TBC1D9: variants seen among roughly 807,000 people sequenced by gnomAD.
TBC1D9 encodes the protein TBC1 domain family member 9.
In TBC1D9, 63 loss-of-function variants were observed where a neutral mutation model predicts 132.0. The observed-to-expected ratio is 0.48, with a 90% CI of 0.39 to 0.59. TBC1D9 has a LOEUF of 0.59. Ranked by LOEUF, TBC1D9 falls within the 20% of genes least tolerant of loss-of-function variation. The pLI is 0.00. For synonymous variants in TBC1D9, 610 were observed against 609.9 expected, an observed-to-expected ratio of 1.00 and a Z score of 0.00; for missense variants, 1,261 against 1,592.7, an observed-to-expected ratio of 0.79 and a Z score of 3.54.
chr4:140,730,514 G>A (rs1173728620), intron 1 of TBC1D9, among the ~76,000 whole-genome samples: 1 of 152,148 alleles, frequency 6.6e-6, no homozygotes, highest in African/African-American at 2.4e-5. Flanking sequence ...ATCACCTGAG[G>A]TCAGGAGTTC....
rs113441126 is a variant in TBC1D9 at position 140,686,256 on chromosome 4, G to C, written c.360+88C>G. The C allele has an allele frequency of 3.3e-3, 2,771 of 845,476 alleles. 54 individuals carry two copies. In the African/African-American group the frequency reaches 0.042, roughly 13 times the overall value. 52.4% of individuals were successfully genotyped at this position (845,476 alleles called of 1,614,324 possible). On this transcript the variant is annotated intron_variant, in intron 3 of 20. Transcript: ENST00000442267. ...GGTGAATTTGGGCAAAGGGTATACA[G>C]GTATGTTTTACTCAATTCTTATTTT...
intron 1 of TBC1D9, among the ~76,000 whole-genome samples, chr4:140,709,248 T>TCTCACACACACA (rs1382500714): frequency 3.2e-4 from 33 of 104,190 alleles, no homozygotes; most frequent in African/African-American, 1.1e-3. Flanking sequence ...TCTCTCTCTC[T>TCTCACACACACA]CACACACACA....
chr4:140,645,701 C>G (rs746761118), intron 13 of TBC1D9, among the ~76,000 whole-genome samples: 1 of 152,264 alleles, frequency 6.6e-6, no homozygotes, highest in African/African-American at 2.4e-5. Context: ...ATGCTCTTTC[C>G]ACCTTTCACA....
intron 13 of TBC1D9, among the ~76,000 whole-genome samples, chr4:140,654,027 A>C (rs1455025738): frequency 6.6e-6 from 1 of 152,262 alleles, no homozygotes; most frequent in Admixed American, 6.5e-5. Context: ...CTGAGTTGCC[A>C]CATACTAAGC....
At chr4:140,705,044 T>C (rs1738129551) in intron 1 of TBC1D9, among the ~76,000 whole-genome samples, 1 of 152,256 alleles carries the variant, frequency 6.6e-6, no homozygotes, top group African/African-American at 2.4e-5. Context: ...AGAGAATTTC[T>C]GTGAAAATTC....
chr4:140,748,335 C>T (rs1738868514), intron 1 of TBC1D9, among the ~76,000 whole-genome samples: 1 of 151,930 alleles, frequency 6.6e-6, no homozygotes, highest in African/African-American at 2.4e-5. Flanking sequence ...TGAAGTAAAA[C>T]TTAAAAGGTA....
intron 1 of TBC1D9, among the ~76,000 whole-genome samples, chr4:140,718,555 C>A (rs182255591): frequency 1.1e-4 from 16 of 152,300 alleles, no homozygotes; most frequent in African/African-American, 3.8e-4. Flanking sequence ...TGAACATTTT[C>A]ACAACGAACA....
At chr4:140,653,256 A>G (rs1737214235) in intron 13 of TBC1D9, among the ~76,000 whole-genome samples, 1 of 152,242 alleles carries the variant, frequency 6.6e-6, no homozygotes. Flanking sequence ...AAATTTCAAA[A>G]GATGAATGTG....
chr4:140,703,942 A>C (rs898876517), intron 1 of TBC1D9, among the ~76,000 whole-genome samples: 1 of 152,228 alleles, frequency 6.6e-6, no homozygotes, highest in Non-Finnish European at 1.5e-5. Context: ...TACAGATGGA[A>C]GAATAGGACA....
intron 1 of TBC1D9, among the ~76,000 whole-genome samples, chr4:140,716,865 C>T (rs1268074743): frequency 1.3e-5 from 2 of 150,840 alleles, no homozygotes; most frequent in African/African-American, 4.9e-5. Flanking sequence ...CTCTACAACC[C>T]ACTATGCTGA....
chr4:140,702,916 C>A (rs185719847), intron 1 of TBC1D9, among the ~76,000 whole-genome samples: 2 of 152,164 alleles, frequency 1.3e-5, no homozygotes, highest in Non-Finnish European at 2.9e-5. Context: ...AATATTAGCC[C>A]AAGACACTTT....
chr4:140,729,303 G>A (rs1472556176), intron 1 of TBC1D9, among the ~76,000 whole-genome samples: 2 of 152,024 alleles, frequency 1.3e-5, no homozygotes, highest in South Asian at 4.1e-4. Context: ...TGAGAGATAT[G>A]CATAGTTTGA....
chr4:140,677,099 T>C lies in TBC1D9; in HGVS notation c.854A>G (p.Asp285Gly). 2 of 1,613,598 alleles carry C rather than the reference T, an allele frequency of 1.2e-6. No individual in the cohort carries two copies. Among genetic ancestry groups the C allele is most frequent in the Non-Finnish European group, 1.7e-6 (2 of 1,179,830 alleles). Residue 285 changes from aspartate (D) to glycine (G), a missense_variant and splice_region_variant, in exon 6 of 21, where the codon GAT becomes GGT. Around this residue, in one of 3 missense-constraint regions of TBC1D9, gnomAD observed 550 missense variants for 699.0 expected, o/e 0.79. Coordinates refer to ENST00000442267, the MANE Select transcript of TBC1D9 (RefSeq NM_015130.3). ...SPKKVSALKRDLDARAKSERY... is the reference protein window; with the variant it reads ...SPKKVSALKRGLDARAKSERY... ...CTCACTCTTTGCCCTGGCATCAAGA[T>C]CACTGGAAAGCAATAATTACAATTC...
In TBC1D9 at chr4:140,674,791, T is replaced by C. The variant is rs574585140; in HGVS notation, c.1059+2103A>G. ...ATAGCTCACTGTGATCTCAAACTCC[T>C]GGGTTCAAGTGATCCTCCCACTTCA... On this transcript the variant is annotated intron_variant, in intron 6 of 20. Coordinates refer to ENST00000442267, the MANE Select transcript of TBC1D9 (RefSeq NM_015130.3). Among the ~76,000 whole-genome samples, 396 of 152,158 alleles carry C rather than the reference T, an allele frequency of 2.6e-3. 2 individuals carry two copies. The highest frequency in any genetic ancestry group is 8.7e-3 in the African/African-American group (360 of 41,550).
At chr4:140,671,398 G>A (rs1313685095) in intron 6 of TBC1D9, among the ~76,000 whole-genome samples, 1 of 152,140 alleles carries the variant, frequency 6.6e-6, no homozygotes, top group Non-Finnish European at 1.5e-5. Flanking sequence ...GGAATTATTT[G>A]ATTTTCATTA....
At chr4:140,648,907 T>C (rs1256742763) in intron 13 of TBC1D9, among the ~76,000 whole-genome samples, 1 of 145,100 alleles carries the variant, frequency 6.9e-6, no homozygotes, top group African/African-American at 2.7e-5. Context: ...TTATGTTCTC[T>C]GGCTCCTCCC....
chr4:140,624,704 G>C (rs1736679109), intron 18 of TBC1D9, among the ~76,000 whole-genome samples: 2 of 152,208 alleles, frequency 1.3e-5, no homozygotes, highest in South Asian at 4.2e-4. Context: ...CTATCTCCAG[G>C]TAAAGGACCT....
At position 140,627,520 on chromosome 4, in the gene TBC1D9, G is replaced by A. The variant is rs776706700; in HGVS notation, c.2820C>T (p.Ser940=). Residue 940 remains serine, a synonymous_variant, in exon 18 of 21, where the codon TCC becomes TCT. Coordinates refer to ENST00000442267, the MANE Select transcript of TBC1D9 (RefSeq NM_015130.3). The part of the protein sequence containing the change: ...LYKMHVLPEP[S]SDQDEPDSAF... Reference sequence around the variant, plus strand: ...CAGAATCTGGTTCATCTTGATCAGAGGATGGCTCTAGGGAGGGGAGGAAAC... The same window carrying A: ...CAGAATCTGGTTCATCTTGATCAGAAGATGGCTCTAGGGAGGGGAGGAAAC... 92 of 1,605,978 alleles carry A rather than the reference G, an allele frequency of 5.7e-5. No homozygotes were observed. In the Middle Eastern group the frequency reaches 1.6e-3, roughly 29 times the overall value.
chr4:140,680,973 G>A (rs1232546628), intron 3 of TBC1D9, among the ~76,000 whole-genome samples: 1 of 152,168 alleles, frequency 6.6e-6, no homozygotes, highest in African/African-American at 2.4e-5. Flanking sequence ...TTGTTTTAAT[G>A]TTTTAATTTT....
Sources: gnomAD v4.1 joint callset for allele counts (sites outside exome capture counted in the v4.1 genomes callset) on GRCh38, gnomAD v4.1.1 for gene constraint, gnomAD v4.1.1 regional missense constraint, MANE v1.5 for transcripts, NCBI Gene and HGNC (gene_info 2026-07-23, HGNC 2026-07-21) for gene names.